The following FOXP2 variants were observed in gnomAD, a reference collection of about 807,000 sequenced individuals.
FOXP2 encodes the protein forkhead box protein P2.
A neutral mutation model predicts 115.8 loss-of-function variants in FOXP2; 12 were observed. The observed-to-expected ratio is 0.10, with a 90% CI of 0.07 to 0.17. FOXP2 has a LOEUF of 0.17. Ranked by LOEUF, FOXP2 falls within the 10% of genes least tolerant of loss-of-function variation. The probability of loss-of-function intolerance (pLI) is 1.00; values close to 1 mark genes in which losing one functional copy is unlikely to be tolerated. For synonymous variants in FOXP2, 328 were observed against 297.7 expected (o/e 1.10, Z -1.05); for missense variants, 629 against 843.5 (o/e 0.75, Z 3.15).
intron 3 of FOXP2, among the ~76,000 whole-genome samples, chr7:114,622,761 A>G (rs773531344): frequency 1.9e-4 from 29 of 151,956 alleles, no homozygotes; most frequent in Non-Finnish European, 3.1e-4. Context: ...CAAAATCACA[A>G]TTGTTTTGTT....
rs73429380 is a variant in FOXP2 at position 114,569,642 on chromosome 7, C to T, written c.258+34936C>T. 6.9e-3 allele frequency among the ~76,000 whole-genome samples: 1,054 copies of T among 151,888 alleles called. 9 individuals are homozygous for T. Among genetic ancestry groups the T allele is most frequent in the African/African-American group, 0.024 (1,007 of 41,498 alleles). On this transcript the variant is annotated intron_variant, in intron 3 of 16. Coordinates refer to ENST00000350908, the MANE Select transcript of FOXP2 (RefSeq NM_014491.4). ...TTCTGGCAGCAAAATACAACTTGAA[C>T]AATTTCCCCCCAGTCTTCATCTGCT...
intron 14 of FOXP2, among the ~76,000 whole-genome samples, 176 bp from the exon 15 acceptor site, chr7:114,663,274 T>C (rs1806974958): frequency 6.6e-6 from 1 of 152,146 alleles, no homozygotes; most frequent in Non-Finnish European, 1.5e-5. Context: ...AGTTAATATG[T>C]ATTATGTAAA....
At chr7:114,498,783 C>A in intron 2 of FOXP2, 1 of 705,044 alleles carries the variant, frequency 1.4e-6, no homozygotes, top group Non-Finnish European at 2.6e-6. Context: ...GCATACTTTG[C>A]AAATAATTTT....
At chr7:114,528,814 T>C (rs1300930085) in intron 2 of FOXP2, among the ~76,000 whole-genome samples, 1 of 150,996 alleles carries the variant, frequency 6.6e-6, no homozygotes, top group Non-Finnish European at 1.5e-5. Context: ...AAACAAAAAG[T>C]AAATCTAAAA....
chr7:114,563,369 T>G (rs1053077552), intron 3 of FOXP2, among the ~76,000 whole-genome samples: 4 of 152,174 alleles, frequency 2.6e-5, no homozygotes. Context: ...TTCCTCTTCT[T>G]TGTGTTTTGT....
At chr7:114,150,180 C>T (rs1792495264) in intron 1 of FOXP2, among the ~76,000 whole-genome samples, 1 of 151,894 alleles carries the variant, frequency 6.6e-6, no homozygotes, top group Admixed American at 6.6e-5. Flanking sequence ...GCCTGCTGAG[C>T]CTCAATTATT....
chr7:114,631,395 C>G (rs2129328181), intron 5 of FOXP2, 133 bp from the exon 6 acceptor site: 6 of 1,433,950 alleles, frequency 4.2e-6, no homozygotes, highest in Non-Finnish European at 5.7e-6. Context: ...TCACATTCTG[C>G]CCCTGAACTT....
At chr7:114,467,536 T>A (rs1795857537) in intron 2 of FOXP2, among the ~76,000 whole-genome samples, 1 of 152,066 alleles carries the variant, frequency 6.6e-6, no homozygotes, top group African/African-American at 2.4e-5. Context: ...GCATCATAAG[T>A]TGCAACTATT....
At chr7:114,683,145 C>A (rs889290288) in intron 16 of FOXP2, among the ~76,000 whole-genome samples, 2 of 152,152 alleles carry the variant, frequency 1.3e-5, no homozygotes, top group African/African-American at 4.8e-5. Context: ...GGAAAATATT[C>A]CAAGCATACT....
intron 16 of FOXP2, among the ~76,000 whole-genome samples, chr7:114,681,792 G>C (rs1200373998): frequency 6.6e-6 from 1 of 152,038 alleles, no homozygotes; most frequent in African/African-American, 2.4e-5. Flanking sequence ...AATGTGACTA[G>C]TCATTAATAA....
chr7:114,400,594 A>G (rs1460409250), intron 2 of FOXP2, among the ~76,000 whole-genome samples: 1 of 152,142 alleles, frequency 6.6e-6, no homozygotes. Context: ...CAGTGTTTCC[A>G]CAGACAGGAG....
At chr7:114,235,308 T>G (rs996322839) in intron 1 of FOXP2, among the ~76,000 whole-genome samples, 1 of 152,186 alleles carries the variant, frequency 6.6e-6, no homozygotes, top group Non-Finnish European at 1.5e-5. Flanking sequence ...TCAGTAAAAT[T>G]TATTGTTACA....
chr7:114,390,689 G>C (rs1012770395), intron 2 of FOXP2, among the ~76,000 whole-genome samples: 1 of 151,970 alleles, frequency 6.6e-6, no homozygotes, highest in East Asian at 1.9e-4. Flanking sequence ...TGAGTAGCTG[G>C]GACTACAGCT....
At chr7:114,513,302 C>T (rs1798165820) in intron 2 of FOXP2, among the ~76,000 whole-genome samples, 1 of 152,032 alleles carries the variant, frequency 6.6e-6, no homozygotes, top group African/African-American at 2.4e-5. Context: ...TCTTTCTTTC[C>T]ATGCTTTGTG....
In FOXP2 at chr7:114,575,445, C is replaced by T. The variant is rs1305025251; in HGVS notation, c.258+40739C>T. Among the ~76,000 whole-genome samples the T allele has an allele frequency of 4.6e-5, 7 of 151,846 alleles. No individual in the cohort carries two copies. The East Asian group carries it at 1.2e-3, about 25-fold the overall frequency. On this transcript the variant is annotated intron_variant, in intron 3 of 16. Transcript: ENST00000350908. ...GCATTGGACATTGTACCTTGGGTCA[C>T]GGCCAAGACAGATGGCAGTGTTATC...
chr7:114,557,388 G>A (rs987557857), intron 3 of FOXP2, among the ~76,000 whole-genome samples: 2 of 152,150 alleles, frequency 1.3e-5, no homozygotes, highest in African/African-American at 4.8e-5. Flanking sequence ...TCCATTAGAT[G>A]TAGTCTGAAA....
chr7:114,490,940 A>G (rs909224944), intron 2 of FOXP2, among the ~76,000 whole-genome samples: 5 of 152,134 alleles, frequency 3.3e-5, no homozygotes, highest in African/African-American at 1.2e-4. Context: ...AGTCTTTGCT[A>G]TTGTGAATAG....
intron 1 of FOXP2, among the ~76,000 whole-genome samples, chr7:114,187,316 A>G (rs537562114): frequency 6.6e-6 from 1 of 152,248 alleles, no homozygotes; most frequent in Non-Finnish European, 1.5e-5. Context: ...TGAGCTGCTT[A>G]GATAATTCTT....
At chr7:114,354,498 G>A (rs1368719500) in intron 2 of FOXP2, among the ~76,000 whole-genome samples, 1 of 151,902 alleles carries the variant, frequency 6.6e-6, no homozygotes, top group Non-Finnish European at 1.5e-5. Context: ...GCTGTACCTG[G>A]TTGGCAAAAT....
Sources: allele counts gnomAD v4.1 joint callset (sites outside exome capture counted in the v4.1 genomes callset), GRCh38; gene constraint gnomAD v4.1.1; transcripts MANE v1.5; gene names NCBI Gene and HGNC (gene_info 2026-07-23, HGNC 2026-07-21).